The following DCAF13 variants were observed in gnomAD, a reference collection of about 807,000 sequenced individuals.
DCAF13 encodes DDB1 and CUL4 associated factor 13, also known as DDB1- and CUL4-associated factor 13.
A neutral mutation model predicts 59.0 loss-of-function variants in DCAF13; 38 were observed. The observed-to-expected ratio is 0.64, with a 90% confidence interval of 0.50 to 0.84. The LOEUF (loss-of-function observed/expected upper bound fraction) is 0.84, where lower values mean the gene tolerates loss of function less well. Among genes scored for constraint, DCAF13 ranks in the 40% least tolerant of loss-of-function variants. The probability of loss-of-function intolerance (pLI) is 0.00; values close to 1 mark genes in which losing one functional copy is unlikely to be tolerated. For synonymous variants in DCAF13, 173 were observed against 175.0 expected (o/e 0.99, Z 0.09); for missense variants, 469 against 558.4 (o/e 0.84, Z 1.61).
chr8:103,422,852 G>T (rs1816739577), intron 3 of DCAF13, among the ~76,000 whole-genome samples: 1 of 152,258 alleles, frequency 6.6e-6, no homozygotes, highest in East Asian at 1.9e-4. Flanking sequence ...GATTGCAAGA[G>T]AATAATAAAG....
intron 1 of DCAF13, among the ~76,000 whole-genome samples, chr8:103,417,219 A>C (rs184067337): frequency 6.6e-6 from 1 of 152,326 alleles, no homozygotes; most frequent in African/African-American, 2.4e-5. Flanking sequence ...CCGTTAATAC[A>C]GTACAGTGCG....
At chr8:103,440,064 A>T in intron 8 of DCAF13, 72 bp from the exon 9 acceptor site, 1 of 1,212,686 alleles carries the variant, frequency 8.2e-7, no homozygotes, top group Non-Finnish European at 1.1e-6. Flanking sequence ...GTATCCTGAT[A>T]CTTAATAGGC....
chr8:103,426,971 A>G lies in DCAF13; in HGVS notation c.469-126A>G, dbSNP rs1816799610. 4 of 688,760 alleles carry G rather than the reference A, an allele frequency of 5.8e-6. No homozygotes were observed. The South Asian group carries it at 1.3e-4, about 22-fold the overall frequency. The allele number at this position is 688,760 out of a possible 1,614,324, so 42.7% of individuals were successfully genotyped here. ...GTTTCCCCCTTTAAGTAAGGACTTCAAAGAAGTTTCTTTGTGAACAGGGCT... is the reference window on the plus strand; with the variant it reads ...GTTTCCCCCTTTAAGTAAGGACTTCGAAGAAGTTTCTTTGTGAACAGGGCT... On this transcript the variant is annotated intron_variant, in intron 4 of 10. Coordinates refer to ENST00000612750, the MANE Select transcript of DCAF13 (RefSeq NM_015420.7).
chr8:103,420,021 A>AG (rs1295143423), intron 1 of DCAF13, among the ~76,000 whole-genome samples: 1 of 152,006 alleles, frequency 6.6e-6, no homozygotes, highest in Non-Finnish European at 1.5e-5. Flanking sequence ...AAAAAAAAAA[A>AG]AAGGAAATGC....
intron 1 of DCAF13, among the ~76,000 whole-genome samples, chr8:103,418,219 A>G (rs1157978245): frequency 9.9e-5 from 15 of 152,100 alleles, no homozygotes. Context: ...AGTATAAGAT[A>G]ATGAAGACCC....
chr8:103,441,682 C>T, intron 10 of DCAF13, 64 bp downstream of exon 10: 1 of 1,477,024 alleles, frequency 6.8e-7, no homozygotes, highest in South Asian at 1.2e-5. Context: ...TCACCAAAAA[C>T]AAAGTTAACT....
chr8:103,431,945 T>A (rs1307418158), intron 6 of DCAF13, among the ~76,000 whole-genome samples: 2 of 152,174 alleles, frequency 1.3e-5, no homozygotes, highest in African/African-American at 4.8e-5. Context: ...CATTTATTTC[T>A]TTTAGTCAGT....
chr8:103,433,776 G>C (rs1286237234), intron 7 of DCAF13, among the ~76,000 whole-genome samples: 2 of 151,798 alleles, frequency 1.3e-5, no homozygotes, highest in South Asian at 4.2e-4. Context: ...AATAAAAGAA[G>C]CTCAGTTAGA....
At chr8:103,433,541 TG>T (rs1304006777) in intron 7 of DCAF13, among the ~76,000 whole-genome samples, 1 of 152,116 alleles carries the variant, frequency 6.6e-6, no homozygotes, top group Non-Finnish European at 1.5e-5. Context: ...TTTAGATCTT[TG>T]TATTGTTTTA....
chr8:103,440,103 C>A, intron 8 of DCAF13, 33 bp from the exon 9 acceptor site: 2 of 1,504,588 alleles, frequency 1.3e-6, no homozygotes, highest in East Asian at 2.5e-5. Context: ...GTACCAAAAT[C>A]CAAAGGGTTT....
intron 3 of DCAF13, among the ~76,000 whole-genome samples, chr8:103,424,022 GA>G (rs1816756401): frequency 6.6e-6 from 1 of 151,138 alleles, no homozygotes; most frequent in African/African-American, 2.4e-5. Context: ...TTTTCAAAAA[GA>G]TTTTTTTTTT....
intron 7 of DCAF13, among the ~76,000 whole-genome samples, chr8:103,433,882 A>G (rs1586132712): frequency 6.6e-6 from 1 of 152,206 alleles, no homozygotes; most frequent in South Asian, 2.1e-4. Context: ...TTCCAGTTAA[A>G]GGCAATAAAA....
chr8:103,423,756 A>G (rs1009461849), intron 3 of DCAF13, among the ~76,000 whole-genome samples: 2 of 152,248 alleles, frequency 1.3e-5, no homozygotes, highest in African/African-American at 4.8e-5. Context: ...ACGTGTATCA[A>G]AACACAATGT....
intron 7 of DCAF13, among the ~76,000 whole-genome samples, chr8:103,433,735 C>A (rs1178332560): frequency 6.6e-6 from 1 of 151,822 alleles, no homozygotes; most frequent in Non-Finnish European, 1.5e-5. Context: ...TCCAGCCTGG[C>A]CAACAGAACA....
intron 8 of DCAF13, among the ~76,000 whole-genome samples, chr8:103,438,033 G>C (rs1816957951): frequency 6.6e-6 from 1 of 152,274 alleles, no homozygotes; most frequent in East Asian, 1.9e-4. Flanking sequence ...ATATCTAGAA[G>C]TTAAGAACTC....
chr8:103,429,362 T>C (rs1380322194), intron 5 of DCAF13: 1 of 152,204 alleles, frequency 6.6e-6, no homozygotes, highest in East Asian at 1.9e-4. Context: ...TATGATGTGT[T>C]ATTTGAATTG....
intron 1 of DCAF13, among the ~76,000 whole-genome samples, chr8:103,418,854 ATATATATATATATTTTTTTTTT>A (rs1816671962): frequency 8.2e-5 from 2 of 24,390 alleles, no homozygotes; most frequent in African/African-American, 3.4e-4. Context: ...ATATATATAT[ATATATATATATATTTTTTTTTT>A]TTTTTTTTTT....
At chr8:103,440,110 G>T in intron 8 of DCAF13, 26 bp from the exon 9 acceptor site, 2 of 1,525,536 alleles carry the variant, frequency 1.3e-6, no homozygotes, top group South Asian at 1.3e-5. Context: ...AATCCAAAGG[G>T]TTTTAACTTA....
At chr8:103,415,640 G>T (rs565092440) in intron 1 of DCAF13, 124 bp downstream of exon 1, 353 of 936,698 alleles carry the variant, frequency 3.8e-4, no homozygotes, top group Non-Finnish European at 5.3e-4. Flanking sequence ...GTTACCTTTC[G>T]CTAAGGCAAA....
Sources: allele counts gnomAD v4.1 joint callset (sites outside exome capture counted in the v4.1 genomes callset), GRCh38; gene constraint gnomAD v4.1.1; transcripts MANE v1.5; gene names NCBI Gene and HGNC (gene_info 2026-07-23, HGNC 2026-07-21).